GRIN2B: variants seen among roughly 807,000 people sequenced by gnomAD.
GRIN2B encodes glutamate ionotropic receptor NMDA type subunit 2B, also known as glutamate receptor ionotropic, NMDA 2B.
GRIN2B carries 5 observed loss-of-function variants against 114.5 expected under a neutral mutation model. That is an observed-to-expected ratio of 0.04 (90% CI 0.02 to 0.09). The LOEUF (loss-of-function observed/expected upper bound fraction) is 0.09. Among genes scored for constraint, GRIN2B ranks in the 10% least tolerant of loss-of-function variants. The probability of loss-of-function intolerance (pLI) is 1.00; values close to 1 mark genes in which losing one functional copy is unlikely to be tolerated. For missense variants in GRIN2B, 1,108 were observed against 1,943.5 expected (o/e 0.57, Z 8.08); for synonymous variants, 787 against 745.1 (o/e 1.06, Z -0.92).
At chr12:13,702,988 A>G (rs1950325916) in intron 4 of GRIN2B, among the ~76,000 whole-genome samples, 1 of 152,194 alleles carries the variant, frequency 6.6e-6, no homozygotes, top group Non-Finnish European at 1.5e-5. Context: ...CATTTTTATG[A>G]TGTCAATTTC....
chr12:13,641,907 G>T (rs1359724330), intron 5 of GRIN2B, among the ~76,000 whole-genome samples: 2 of 152,086 alleles, frequency 1.3e-5, no homozygotes, highest in African/African-American at 4.8e-5. Context: ...TAACCTTAAG[G>T]TCAGGCGTGA....
chr12:13,799,114 A>C (rs1467788572), intron 3 of GRIN2B, among the ~76,000 whole-genome samples: 1 of 152,096 alleles, frequency 6.6e-6, no homozygotes, highest in East Asian at 1.9e-4. Context: ...CACCCATTGC[A>C]TCCCCTGGAA....
chr12:13,850,889 TTC>T (rs35522519), intron 3 of GRIN2B, among the ~76,000 whole-genome samples: 13,608 of 152,182 alleles, frequency 0.089, 834 homozygotes, highest in South Asian at 0.17. Context: ...TCCTTTCTGA[TTC>T]TCTTTCTTCA....
chr12:13,583,197 G>T (rs1471407587), intron 10 of GRIN2B, among the ~76,000 whole-genome samples: 1 of 152,038 alleles, frequency 6.6e-6, no homozygotes, highest in African/African-American at 2.4e-5. Context: ...AATAAAATGA[G>T]GCAACAGATA....
At chr12:13,741,246 G>C (rs1020688718) in intron 4 of GRIN2B, among the ~76,000 whole-genome samples, 1 of 152,102 alleles carries the variant, frequency 6.6e-6, no homozygotes, top group African/African-American at 2.4e-5. Context: ...TGCCCAGGCT[G>C]TTCTTGAACT....
At chr12:13,619,936 A>C (rs1342614206) in intron 5 of GRIN2B, among the ~76,000 whole-genome samples, 1 of 152,256 alleles carries the variant, frequency 6.6e-6, no homozygotes, top group African/African-American at 2.4e-5. Context: ...CTCCAAGGAC[A>C]GTCTAGAGGG....
chr12:13,926,706 C>T (rs1658826206), intron 2 of GRIN2B, among the ~76,000 whole-genome samples: 1 of 152,222 alleles, frequency 6.6e-6, no homozygotes. Flanking sequence ...GTAACCCCAG[C>T]ACTTCGGGAG....
At chr12:13,835,304 T>C (rs1017426909) in intron 3 of GRIN2B, among the ~76,000 whole-genome samples, 15 of 152,016 alleles carry the variant, frequency 9.9e-5, no homozygotes, top group African/African-American at 2.7e-4. Context: ...CTAAAATGAG[T>C]GGTACAGAAA....
At chr12:13,827,007 T>A (rs990162791) in intron 3 of GRIN2B, among the ~76,000 whole-genome samples, 20 of 150,316 alleles carry the variant, frequency 1.3e-4, no homozygotes, top group African/African-American at 4.6e-4. Context: ...AGGTGTAGAG[T>A]TCTTTGTTGA....
intron 4 of GRIN2B, among the ~76,000 whole-genome samples, chr12:13,679,887 T>A (rs1452436802): frequency 2.0e-5 from 3 of 152,184 alleles, no homozygotes; most frequent in Admixed American, 2.0e-4. Flanking sequence ...TTCCAGCTTA[T>A]CAGAGAAGTC....
At position 13,540,042 on chromosome 12, in the gene GRIN2B, T is replaced by G. The variant is rs551019849; in HGVS notation, c.*22741A>C. ...GAATAATACATGAGGGGGAGATGAG[T>G]GTAACCAAGGGCTCCAGCACCAGCT... On this transcript the variant is annotated 3_prime_UTR_variant, in exon 14 of 14. Coordinates refer to ENST00000609686, the MANE Select transcript of GRIN2B (RefSeq NM_000834.5). 2 of 152,118 alleles carry G rather than the reference T, an allele frequency of 1.3e-5. No homozygotes were observed. The highest frequency in any genetic ancestry group is 4.8e-5 in the African/African-American group (2 of 41,408). 9.4% of individuals were successfully genotyped at this position (152,118 alleles called of 1,614,324 possible). A position where few individuals can be genotyped will look rare whatever the true frequency, so the allele number is the denominator to read the frequency against.
chr12:13,842,296 C>A (rs766868975), intron 3 of GRIN2B, among the ~76,000 whole-genome samples: 1 of 152,206 alleles, frequency 6.6e-6, no homozygotes, highest in Non-Finnish European at 1.5e-5. Context: ...GGGTAACCAC[C>A]TACCAGGTGT....
At chr12:13,659,455 A>G (rs967539933) in intron 5 of GRIN2B, among the ~76,000 whole-genome samples, 2 of 152,092 alleles carry the variant, frequency 1.3e-5, no homozygotes, top group African/African-American at 4.8e-5. Flanking sequence ...TGCTGGATGA[A>G]TTTTTTGAAG....
At chr12:13,638,977 T>A (rs1469759091) in intron 5 of GRIN2B, among the ~76,000 whole-genome samples, 4 of 152,044 alleles carry the variant, frequency 2.6e-5, no homozygotes, top group Non-Finnish European at 5.9e-5. Flanking sequence ...AAAAAGGAAA[T>A]GAAAAATAGC....
intron 4 of GRIN2B, among the ~76,000 whole-genome samples, chr12:13,744,517 G>A (rs775687849): frequency 6.6e-6 from 1 of 152,156 alleles, no homozygotes; most frequent in Non-Finnish European, 1.5e-5. Flanking sequence ...GCTGGCTAAA[G>A]AAGAGAGGGG....
intron 4 of GRIN2B, among the ~76,000 whole-genome samples, chr12:13,679,928 G>C (rs1451271270): frequency 6.6e-6 from 1 of 151,964 alleles, no homozygotes; most frequent in Non-Finnish European, 1.5e-5. Context: ...AGAGTGGATA[G>C]GAAAACTATA....
Position 13,615,894 on chromosome 12 carries a change from T to G in GRIN2B, c.1329-230A>C, listed in dbSNP as rs1187132042. The stretch of plus-strand genomic sequence containing the variant: ...GTTTCCTCTTAATTTTAATTCTCCT[T>G]TGAAGTACAAAATACATAAGAAAAG... On this transcript the variant is annotated intron_variant, in intron 6 of 13. Transcript: ENST00000609686. This position sits in a 1 kb window ranked among gnomAD's most constrained non-coding sequence, Gnocchi z 5.8. Among the ~76,000 whole-genome samples the G allele has an allele frequency of 6.6e-6, 1 of 152,174 alleles. No homozygotes were observed. Among genetic ancestry groups the G allele is most frequent in the Non-Finnish European group, 1.5e-5 (1 of 68,034 alleles).
At chr12:13,716,561 C>T (rs549558145) in intron 4 of GRIN2B, among the ~76,000 whole-genome samples, 40 of 151,530 alleles carry the variant, frequency 2.6e-4, no homozygotes, top group Non-Finnish European at 4.3e-4. Context: ...AAGTGAAATA[C>T]GAGATTGATG....
At chr12:13,568,160 C>G (rs1948665248) in intron 12 of GRIN2B, among the ~76,000 whole-genome samples, 1 of 152,140 alleles carries the variant, frequency 6.6e-6, no homozygotes, top group Non-Finnish European at 1.5e-5. Flanking sequence ...ATCACTTTAA[C>G]TCATGTCAGA....
Sources: allele counts gnomAD v4.1 joint callset (sites outside exome capture counted in the v4.1 genomes callset), GRCh38; gene constraint gnomAD v4.1.1; non-coding constraint Gnocchi (gnomAD v3.1); transcripts MANE v1.5; gene names NCBI Gene and HGNC (gene_info 2026-07-23, HGNC 2026-07-21).